CCNB3: variants seen among roughly 807,000 people sequenced by gnomAD.
CCNB3 encodes the protein G2/mitotic-specific cyclin-B3.
Under a neutral mutation model 68.0 loss-of-function variants are expected in CCNB3, and 12 were observed. That is an observed-to-expected ratio of 0.18 (90% CI 0.11 to 0.29). The LOEUF is 0.29. Among genes scored for constraint, CCNB3 ranks in the 10% least tolerant of loss-of-function variants. The pLI is 1.00. For missense variants in CCNB3, 904 were observed against 993.1 expected (o/e 0.91, Z 1.21); for synonymous variants, 354 against 388.9 (o/e 0.91, Z 1.06).
intron 1 of CCNB3, among the ~76,000 whole-genome samples, chrX:50,223,619 C>T (rs1394352126): frequency 8.9e-6 from 1 of 112,199 alleles, no homozygotes; most frequent in Admixed American, 9.4e-5. Flanking sequence ...AAGATTGCTG[C>T]CTGTTTCTTC....
chrX:50,295,302 G>A (rs1557210731), intron 5 of CCNB3, among the ~76,000 whole-genome samples: 3 of 111,513 alleles, frequency 2.7e-5, no homozygotes, highest in Non-Finnish European at 5.7e-5. Context: ...TTTATAGTGT[G>A]GAGACAACTT....
At chrX:50,340,092 T>C (rs537633680) in intron 8 of CCNB3, among the ~76,000 whole-genome samples, 1 of 112,268 alleles carries the variant, frequency 8.9e-6, no homozygotes, top group African/African-American at 3.2e-5. Context: ...ATTTAATATG[T>C]GTATTGCTGA....
chrX:50,319,051 G>A (rs1370625773), intron 8 of CCNB3, among the ~76,000 whole-genome samples: 1 of 111,661 alleles, frequency 9.0e-6, no homozygotes, highest in Non-Finnish European at 1.9e-5. Context: ...AAGCTTGCTT[G>A]TGGCTTTTTC....
intron 7 of CCNB3, among the ~76,000 whole-genome samples, chrX:50,312,959 C>T (rs1017273448): frequency 3.2e-4 from 35 of 110,878 alleles, no homozygotes; most frequent in Admixed American, 3.1e-3. Flanking sequence ...TAATCCTGTA[C>T]ATCTAATTGC....
intron 8 of CCNB3, among the ~76,000 whole-genome samples, chrX:50,321,129 A>G (rs183703577): frequency 8.9e-6 from 1 of 111,990 alleles, no homozygotes; most frequent in East Asian, 2.8e-4. Flanking sequence ...TGCACATGAA[A>G]AATTTTTGTA....
At chrX:50,280,320 G>A (rs1426679352) in intron 1 of CCNB3, among the ~76,000 whole-genome samples, 1 of 96,485 alleles carries the variant, frequency 1.0e-5, no homozygotes, top group African/African-American at 3.7e-5. Context: ...ATAGAATATA[G>A]ATTTAAATAT....
intron 5 of CCNB3, among the ~76,000 whole-genome samples, chrX:50,300,034 C>T (rs1936590300): frequency 9.0e-6 from 1 of 111,320 alleles, no homozygotes; most frequent in Non-Finnish European, 1.9e-5. Flanking sequence ...TATCTCTGCC[C>T]ATGAGATGGG....
At chrX:50,327,471 T>C (rs781967278) in intron 8 of CCNB3, among the ~76,000 whole-genome samples, 1 of 112,098 alleles carries the variant, frequency 8.9e-6, no homozygotes, top group South Asian at 3.7e-4. Context: ...CGACCATTCA[T>C]TCAGATATAA....
At chrX:50,227,376 A>T (rs1283266595) in intron 1 of CCNB3, among the ~76,000 whole-genome samples, 1 of 80,781 alleles carries the variant, frequency 1.2e-5, no homozygotes, top group Non-Finnish European at 2.2e-5. Context: ...GAATATATAT[A>T]AATATATACA....
intron 1 of CCNB3, among the ~76,000 whole-genome samples, chrX:50,211,681 G>A (rs1935485457): frequency 9.0e-6 from 1 of 111,373 alleles, no homozygotes; most frequent in Admixed American, 9.6e-5. Context: ...CTCAAGTCAG[G>A]ATGATGAATC....
chrX:50,347,280 G>A (rs1206523405), intron 10 of CCNB3, among the ~76,000 whole-genome samples: 3 of 110,102 alleles, frequency 2.7e-5, no homozygotes, highest in African/African-American at 9.9e-5. Flanking sequence ...TTGAGGTATG[G>A]AACACCTTCT....
At chrX:50,299,111 G>A (rs782173543) in intron 5 of CCNB3, among the ~76,000 whole-genome samples, 38 of 111,465 alleles carry the variant, frequency 3.4e-4, no homozygotes, top group African/African-American at 1.0e-3. Context: ...TTTTTGAAGG[G>A]ATTTTTGTGT....
intron 5 of CCNB3, among the ~76,000 whole-genome samples, chrX:50,299,381 T>G (rs1391138220): frequency 8.9e-6 from 1 of 111,827 alleles, no homozygotes; most frequent in Admixed American, 9.5e-5. Context: ...TGCCTTAATT[T>G]TGCTATTTAC....
At chrX:50,225,292 C>T (rs1176304121) in intron 1 of CCNB3, among the ~76,000 whole-genome samples, 1 of 110,693 alleles carries the variant, frequency 9.0e-6, no homozygotes, top group Non-Finnish European at 1.9e-5. Flanking sequence ...ACAAAAATAC[C>T]AGGTACAGAG....
At chrX:50,300,095 A>C (rs1287790553) in intron 5 of CCNB3, among the ~76,000 whole-genome samples, 1 of 111,735 alleles carries the variant, frequency 8.9e-6, no homozygotes, top group African/African-American at 3.3e-5. Flanking sequence ...CCACTTTGCC[A>C]GTCTGTGCCT....
At position 50,310,058 on chromosome X, in the gene CCNB3, C is replaced by T. The variant is rs186624392; in HGVS notation, c.1889C>T (p.Thr630Met). The change falls in exon 6 of 13, where the codon ACG becomes ATG. Residue 630 changes from threonine (T) to methionine (M), a missense_variant. Coordinates refer to ENST00000376042, the MANE Select transcript of CCNB3 (RefSeq NM_033031.3). ...KLLPFKMKST[T>M]EEKFLSQEPS... ...TTGCCCTTTAAGATGAAATCTACAA[C>T]GGAAGAAAAGTTCCTCTCCCAGGAA... 67 of 1,207,362 alleles carry T rather than the reference C, an allele frequency of 5.5e-5. No homozygotes were observed. The highest frequency in any genetic ancestry group is 5.0e-4 in the East Asian group (17 of 33,704).
chrX:50,351,687 A>G lies in CCNB3; in HGVS notation c.4172A>G (p.Gln1391Arg), dbSNP rs1923689515. 8.3e-7 allele frequency: 1 copy of G among 1,208,306 alleles called. No individual in the cohort carries two copies. The highest frequency in any genetic ancestry group is 1.1e-6 in the Non-Finnish European group (1 of 892,401). Residue 1391 changes from glutamine to arginine, a missense_variant, in exon 13 of 13, where the codon CAG becomes CGG. Physicochemically the swap from Gln to Arg is conservative, Grantham distance 43 (BLOSUM62 1). Coordinates refer to ENST00000376042, the MANE Select transcript of CCNB3 (RefSeq NM_033031.3). ...ATTTTGAACTGTGATTGTGAGGCTC[A>G]GGGCCTGGTACTCTAGCAGCAGCCA... ...EEILNCDCEAQGLVL is the reference protein window; with the variant it reads ...EEILNCDCEARGLVL
intron 5 of CCNB3, among the ~76,000 whole-genome samples, chrX:50,305,056 G>A (rs1214287997): frequency 1.8e-5 from 2 of 111,684 alleles, no homozygotes; most frequent in African/African-American, 6.5e-5. Flanking sequence ...CACTGTTGGT[G>A]GGACTGGAAA....
At position 50,304,841 on chromosome X, in the gene CCNB3, G is replaced by A. The variant is rs782395231; in HGVS notation, c.336-3664G>A. Among the ~76,000 whole-genome samples the A allele has an allele frequency of 9.6e-4, 107 of 111,806 alleles. 1 individual carries two copies. Among genetic ancestry groups the A allele is most frequent in the African/African-American group, 3.3e-3 (101 of 30,752 alleles). On this transcript the variant is annotated intron_variant, in intron 5 of 12. Coordinates refer to ENST00000376042, the MANE Select transcript of CCNB3 (RefSeq NM_033031.3). ...CAAACAACCCCATCAACAAGTAGGC[G>A]AAGGATATGAACAGACACTTCTCAA...
Sources: gnomAD v4.1 joint callset for allele counts (sites outside exome capture counted in the v4.1 genomes callset) on GRCh38, gnomAD v4.1.1 for gene constraint, MANE v1.5 for transcripts, NCBI Gene and HGNC (gene_info 2026-07-23, HGNC 2026-07-21) for gene names.